IQCK: variants seen among roughly 807,000 people sequenced by gnomAD.
The protein encoded by IQCK is IQ motif containing K.
Under a neutral mutation model 28.1 loss-of-function variants are expected in IQCK, and 29 were observed. The observed-to-expected ratio is 1.03, with a 90% confidence interval of 0.77 to 1.41. The LOEUF (loss-of-function observed/expected upper bound fraction) is 1.41. IQCK is among the 40% of genes most tolerant of loss of function. The pLI is 0.00. For missense variants in IQCK, 359 were observed against 314.7 expected, an observed-to-expected ratio of 1.14 and a Z score of -1.07; for synonymous variants, 113 against 115.1, an observed-to-expected ratio of 0.98 and a Z score of 0.12.
At chr16:19,829,995 C>G (rs1363913145), downstream of IQCK, among the ~76,000 whole-genome samples, 1 of 150,664 alleles carries the variant, frequency 6.6e-6, no homozygotes, top group Non-Finnish European at 1.5e-5. Flanking sequence ...AAGTGAGCAC[C>G]AGATAAATAT....
chr16:19,740,693 G>A (rs1385012261), intron 4 of IQCK, among the ~76,000 whole-genome samples: 1 of 152,062 alleles, frequency 6.6e-6, no homozygotes, highest in Non-Finnish European at 1.5e-5. Context: ...ATATCTGGCC[G>A]GGCACGGTGG....
At chr16:19,839,836 TA>T (rs1024754545) in intron 9 of IQCK, among the ~76,000 whole-genome samples, 25 of 151,082 alleles carry the variant, frequency 1.7e-4, no homozygotes, top group African/African-American at 6.1e-4. Flanking sequence ...ACTAAAAAAA[TA>T]AAAAATAAAT....
At chr16:19,832,251 C>CAT (rs923278147) in intron 9 of IQCK, among the ~76,000 whole-genome samples, 2 of 151,606 alleles carry the variant, frequency 1.3e-5, no homozygotes, top group African/African-American at 4.9e-5. Context: ...TATGCACACA[C>CAT]ATATATATAC....
At chr16:19,827,034 T>C in exon 8 of IQCK, 1 of 1,612,606 alleles carries the variant, frequency 6.2e-7, no homozygotes, top group Non-Finnish European at 8.5e-7. Context: ...AGGTTCGCTG[T>C]GATCCTGAGA....
chr16:19,772,375 G>A (rs2055331037), intron 6 of IQCK, among the ~76,000 whole-genome samples: 1 of 151,902 alleles, frequency 6.6e-6, no homozygotes, highest in Non-Finnish European at 1.5e-5. Context: ...GATCTTAATT[G>A]GATCCCAATT....
At chr16:19,818,432 A>T (rs1370779829) in intron 7 of IQCK, among the ~76,000 whole-genome samples, 1 of 152,116 alleles carries the variant, frequency 6.6e-6, no homozygotes, top group Non-Finnish European at 1.5e-5. Flanking sequence ...CGCTCTTGTC[A>T]TTCAGGCTGG....
intron 4 of IQCK, among the ~76,000 whole-genome samples, chr16:19,739,496 A>G (rs1028431349): frequency 6.6e-6 from 1 of 152,216 alleles, no homozygotes; most frequent in African/African-American, 2.4e-5. Context: ...GAGTACTGGT[A>G]TGATAATCAT....
At chr16:19,775,226 CA>C (rs1269665221) in intron 6 of IQCK, among the ~76,000 whole-genome samples, 13,441 of 82,412 alleles carry the variant, frequency 0.16, 1,106 homozygotes, top group African/African-American at 0.3. Context: ...GACTCTGTAT[CA>C]AAAAAAAAAA....
At chr16:19,854,715 C>G (rs1373301913) in intron 9 of IQCK, among the ~76,000 whole-genome samples, 3 of 152,202 alleles carry the variant, frequency 2.0e-5, no homozygotes, top group Admixed American at 6.5e-5. Flanking sequence ...CTGCTGGCTT[C>G]CAATAGGCTA....
chr16:19,737,799 AC>A (rs2054778601), intron 4 of IQCK, among the ~76,000 whole-genome samples: 1 of 151,976 alleles, frequency 6.6e-6, no homozygotes, highest in Admixed American at 6.6e-5. Flanking sequence ...AGTTCGCTGC[AC>A]CAACCCCCAC....
At chr16:19,811,745 G>A (rs923682397) in intron 7 of IQCK, among the ~76,000 whole-genome samples, 3 of 152,188 alleles carry the variant, frequency 2.0e-5, no homozygotes, top group Non-Finnish European at 4.4e-5. Flanking sequence ...TTGTACAGAT[G>A]TTAGGATGCT....
chr16:19,828,863 T>A (rs1197056077), downstream of IQCK, among the ~76,000 whole-genome samples: 5 of 134,748 alleles, frequency 3.7e-5, no homozygotes, highest in East Asian at 7.9e-4. Context: ...AAAAAATATA[T>A]ATATATATAA....
At chr16:19,821,720 C>G (rs1335459580) in intron 7 of IQCK, among the ~76,000 whole-genome samples, 1 of 151,834 alleles carries the variant, frequency 6.6e-6, no homozygotes, top group East Asian at 1.9e-4. Flanking sequence ...AACAAAAACT[C>G]ATACACAAAT....
intron 9 of IQCK, among the ~76,000 whole-genome samples, chr16:19,856,102 T>TGA (rs2056556563): frequency 6.6e-6 from 1 of 152,216 alleles, no homozygotes; most frequent in East Asian, 1.9e-4. Flanking sequence ...TACCCTGAGT[T>TGA]TTCCATTTTG....
chr16:19,723,233 G>A (rs1224835949), intron 1 of IQCK, among the ~76,000 whole-genome samples: 1 of 151,970 alleles, frequency 6.6e-6, no homozygotes, highest in East Asian at 1.9e-4. Flanking sequence ...CCCACTGGCT[G>A]TCGTAGGAAC....
At chr16:19,798,524 A>G (rs1314413113) in intron 7 of IQCK, among the ~76,000 whole-genome samples, 1 of 80,856 alleles carries the variant, frequency 1.2e-5, no homozygotes, top group Non-Finnish European at 1.9e-5. Context: ...ACTGGCACAC[A>G]AAGGAGGATA....
chr16:19,847,428 C>T (rs142175509), intron 9 of IQCK, among the ~76,000 whole-genome samples: 11 of 152,310 alleles, frequency 7.2e-5, no homozygotes, highest in Admixed American at 7.2e-4. Context: ...CCAACCACCG[C>T]CTGGATCCAG....
intron 7 of IQCK, among the ~76,000 whole-genome samples, chr16:19,822,990 G>C (rs1448747726): frequency 6.6e-6 from 1 of 152,096 alleles, no homozygotes; most frequent in Non-Finnish European, 1.5e-5. Context: ...CTATCAATAG[G>C]GGATAGACGA....
At chr16:19,841,058 G>A (rs773659481) in intron 9 of IQCK, among the ~76,000 whole-genome samples, 3 of 152,126 alleles carry the variant, frequency 2.0e-5, no homozygotes, top group Admixed American at 6.5e-5. Context: ...CAGCTAAAGC[G>A]TCTTGCCAGT....
Sources: allele counts gnomAD v4.1 joint callset (sites outside exome capture counted in the v4.1 genomes callset), GRCh38; gene constraint gnomAD v4.1.1; transcripts MANE v1.5; gene names NCBI Gene and HGNC (gene_info 2026-07-23, HGNC 2026-07-21).